ANKRD34C: variants seen among roughly 807,000 people sequenced by gnomAD.
ANKRD34C encodes ankyrin repeat domain 34C.
For missense variants in ANKRD34C, 563 were observed against 653.0 expected (o/e 0.86, Z 1.50); for synonymous variants, 260 against 253.6 (o/e 1.03, Z -0.24).
In ANKRD34C at chr15:79,293,253, C is replaced by T. The variant is rs1334611652; in HGVS notation, c.-32C>T. ...CTTCCTTTGCTAGGTTTGATTGCTA[C>T]TGTGGCTCAGGTCCTCTAAACTGTA... On this transcript the variant is annotated 5_prime_UTR_variant, in exon 2 of 2. Transcript: ENST00000421388. 4 of 1,473,430 alleles carry T rather than the reference C, an allele frequency of 2.7e-6. No individual in the cohort carries two copies. The highest frequency in any genetic ancestry group is 1.8e-4 in the Middle Eastern group (1 of 5,608). 91.3% of individuals were successfully genotyped at this position (1,473,430 alleles called of 1,614,324 possible).
rs2058665684 is a variant in ANKRD34C, at chr15:79,293,877, T to C, written c.593T>C (p.Leu198Pro). The change falls in exon 2 of 2, where the codon CTG becomes CCG. Residue 198 changes from leucine (L) to proline (P), a missense_variant. By Grantham distance (98) the Leu-to-Pro change is moderately conservative (BLOSUM62 -3). Coordinates refer to ENST00000421388, the MANE Select transcript of ANKRD34C (RefSeq NM_001146341.2). ...PSDIELKALG[L>P]DSPLTEKEDD... ...GACATAGAGCTGAAGGCTCTAGGCC[T>C]GGACTCTCCACTCACTGAGAAGGAA... is the stretch of plus-strand genomic sequence containing the variant. The C allele has an allele frequency of 2.6e-6, 4 of 1,551,586 alleles. No homozygotes were observed. The highest frequency in any genetic ancestry group is 2.0e-5 in the Admixed American group (1 of 50,982).
chr15:79,292,387 T>A (rs1450095221), intron 1 of ANKRD34C, among the ~76,000 whole-genome samples: 1 of 152,238 alleles, frequency 6.6e-6, no homozygotes, highest in Non-Finnish European at 1.5e-5. Flanking sequence ...TTGACAAATC[T>A]CAGCTGAGAA....
In ANKRD34C at chr15:79,297,425, A is replaced by G. The variant is rs2058674884; in HGVS notation, c.*2533A>G. 1.2e-5 allele frequency: 2 copies of G among 167,040 alleles called. No homozygotes were observed. Among genetic ancestry groups the G allele is most frequent in the Admixed American group, 6.5e-5 (1 of 15,282 alleles). The allele number at this position is 167,040 out of a possible 1,614,324, so 10.3% of individuals were successfully genotyped here. A position where few individuals can be genotyped will look rare whatever the true frequency, so the allele number is the denominator to read the frequency against. On this transcript the variant is annotated 3_prime_UTR_variant, in exon 2 of 2. Coordinates refer to ENST00000421388, the MANE Select transcript of ANKRD34C (RefSeq NM_001146341.2). ...TTTAGCTAAGATTTGGAAACCCAAT[A>G]TTTCCTAAGTAGTGAATGTGGTCTA...
intron 1 of ANKRD34C, among the ~76,000 whole-genome samples, chr15:79,288,167 TG>T (rs1350280257): frequency 1.3e-5 from 2 of 152,204 alleles, no homozygotes; most frequent in African/African-American, 2.4e-5. Context: ...GGGCATTTCA[TG>T]GTTCATGGGA....
At chr15:79,292,303 G>A (rs2058661875) in intron 1 of ANKRD34C, among the ~76,000 whole-genome samples, 1 of 152,200 alleles carries the variant, frequency 6.6e-6, no homozygotes, top group Non-Finnish European at 1.5e-5. Flanking sequence ...GGCCTCTCAA[G>A]CAACACATAC....
Position 79,293,884 on chromosome 15 carries a change from T to G in ANKRD34C, c.600T>G (p.Ser200=). 1 of 1,551,640 alleles carries G rather than the reference T, an allele frequency of 6.4e-7. No homozygotes were observed. The highest frequency in any genetic ancestry group is 2.4e-5 in the East Asian group (1 of 40,910). The part of the protein sequence containing the change: ...DIELKALGLD[S]PLTEKEDDFF... ...AGCTGAAGGCTCTAGGCCTGGACTC[T>G]CCACTCACTGAGAAGGAAGATGACT... The change falls in exon 2 of 2, where the codon TCT becomes TCG. Residue 200 remains serine (S), a synonymous_variant. Coordinates refer to ENST00000421388, the MANE Select transcript of ANKRD34C (RefSeq NM_001146341.2).
chr15:79,294,104 G>A lies in ANKRD34C; in HGVS notation c.820G>A (p.Gly274Ser). ...CTCGACGCGTCAGGATGAGACCCAT[G>A]GTGCCAGCACAGACAACGAGGTCAT... ...AASTRQDETHGASTDNEVIKS... is the reference protein window; with the variant it reads ...AASTRQDETHSASTDNEVIKS... Residue 274 changes from glycine (G) to serine (S), a missense_variant, in exon 2 of 2, where the codon GGT becomes AGT. Transcript: ENST00000421388. 1 of 1,551,532 alleles carries A rather than the reference G, an allele frequency of 6.4e-7. No homozygotes were observed. Among genetic ancestry groups the A allele is most frequent in the Non-Finnish European group, 8.7e-7 (1 of 1,146,992 alleles).
rs1234800480 is a variant in ANKRD34C, at chr15:79,295,770, G to A, written c.*878G>A. ...TGATGAGATCTTCCCAAACCAGAAT[G>A]ACAACTGAGGATGAGATGTGCATAG... On this transcript the variant is annotated 3_prime_UTR_variant, in exon 2 of 2. Coordinates refer to ENST00000421388, the MANE Select transcript of ANKRD34C (RefSeq NM_001146341.2). 2 of 166,678 alleles carry A rather than the reference G, an allele frequency of 1.2e-5. No individual in the cohort carries two copies. Among genetic ancestry groups the A allele is most frequent in the African/African-American group, 2.4e-5 (1 of 41,448 alleles). The allele number at this position is 166,678 out of a possible 1,614,324, so 10.3% of individuals were successfully genotyped here. A position where few individuals can be genotyped will look rare whatever the true frequency, so the allele number is the denominator to read the frequency against.
rs1048183063 is a variant in ANKRD34C at position 79,296,212 on chromosome 15, C to T, written c.*1320C>T. The T allele has an allele frequency of 1.8e-5, 3 of 166,754 alleles. No individual in the cohort carries two copies. Among genetic ancestry groups the T allele is most frequent in the African/African-American group, 4.8e-5 (2 of 41,434 alleles). 10.3% of individuals were successfully genotyped at this position (166,754 alleles called of 1,614,324 possible). A position where few individuals can be genotyped will look rare whatever the true frequency, so the allele number is the denominator to read the frequency against. On this transcript the variant is annotated 3_prime_UTR_variant, in exon 2 of 2. Transcript: ENST00000421388. Reference sequence around the variant, plus strand: ...GTCTGACATATTTGGGTTTGCATACCAGTCTTATCATTTACCAGCTGCGTG... The same window carrying T: ...GTCTGACATATTTGGGTTTGCATACTAGTCTTATCATTTACCAGCTGCGTG...
In ANKRD34C at chr15:79,296,857, C is replaced by T. The variant is rs1180789413; in HGVS notation, c.*1965C>T. On this transcript the variant is annotated 3_prime_UTR_variant, in exon 2 of 2. Coordinates refer to ENST00000421388, the MANE Select transcript of ANKRD34C (RefSeq NM_001146341.2). ...CGTTGATCTCTACTGCTAGACCTAT[C>T]GTATATGTCAAGAACAACAAAGCTG... 1.8e-5 allele frequency: 3 copies of T among 167,068 alleles called. No individual in the cohort carries two copies. The East Asian group carries it at 5.8e-4, about 32-fold the overall frequency. The allele number at this position is 167,068 out of a possible 1,614,324, so 10.3% of individuals were successfully genotyped here.
At chr15:79,283,743 C>T (rs7169653) in intron 1 of ANKRD34C, 51,532 of 151,920 alleles carry the variant, frequency 0.34, 8,923 homozygotes, top group East Asian at 0.5. Context: ...CCGGCGCGGC[C>T]GGAGCCCCGG....
chr15:79,283,920 A>C (rs2058636455), intron 1 of ANKRD34C: 1 of 152,248 alleles, frequency 6.6e-6, no homozygotes, highest in Non-Finnish European at 1.5e-5. Context: ...GCAAAAGCAA[A>C]CGTGTTCGAT....
chr15:79,294,920 A>G lies in ANKRD34C; in HGVS notation c.*28A>G, dbSNP rs1002436000. On this transcript the variant is annotated 3_prime_UTR_variant, in exon 2 of 2. Coordinates refer to ENST00000421388, the MANE Select transcript of ANKRD34C (RefSeq NM_001146341.2). ...GCTTTAGAAAGGCTTAAAATAGTCA[A>G]TATAGTTTATGGAAGGGACTATGGA... 4.0e-6 allele frequency: 6 copies of G among 1,493,492 alleles called. No individual in the cohort carries two copies. The highest frequency in any genetic ancestry group is 4.9e-5 in the East Asian group (2 of 40,726). The allele number at this position is 1,493,492 out of a possible 1,614,324, so 92.5% of individuals were successfully genotyped here. A position where few individuals can be genotyped will look rare whatever the true frequency, so the allele number is the denominator to read the frequency against.
chr15:79,291,912 C>T (rs2058660844), intron 1 of ANKRD34C, among the ~76,000 whole-genome samples: 1 of 152,164 alleles, frequency 6.6e-6, no homozygotes, highest in African/African-American at 2.4e-5. Flanking sequence ...AGACCTCTTC[C>T]TCTTTATATA....
intron 1 of ANKRD34C, among the ~76,000 whole-genome samples, chr15:79,292,573 G>A (rs1353936863): frequency 6.6e-6 from 1 of 152,026 alleles, no homozygotes; most frequent in Non-Finnish European, 1.5e-5. Flanking sequence ...ACCTGGAAAG[G>A]GATAACTAGA....
chr15:79,284,661 A>C (rs1174775546), intron 1 of ANKRD34C, among the ~76,000 whole-genome samples: 1 of 152,182 alleles, frequency 6.6e-6, no homozygotes, highest in Non-Finnish European at 1.5e-5. Flanking sequence ...TCAGTGTGTA[A>C]TAGCCTCTTA....
Position 79,297,325 on chromosome 15 carries a change from A to G in ANKRD34C, c.*2433A>G, listed in dbSNP as rs1413864304. On this transcript the variant is annotated 3_prime_UTR_variant, in exon 2 of 2. Coordinates refer to ENST00000421388, the MANE Select transcript of ANKRD34C (RefSeq NM_001146341.2). ...TTTCCAGCTGTTGTTAGTGTCACTT[A>G]AAACTGATCTCTGCTGGTAGTATTC... 1.2e-5 allele frequency: 2 copies of G among 167,130 alleles called. No individual in the cohort carries two copies. Among genetic ancestry groups the G allele is most frequent in the Admixed American group, 1.3e-4 (2 of 15,286 alleles). The allele number at this position is 167,130 out of a possible 1,614,324, so 10.4% of individuals were successfully genotyped here.
intron 1 of ANKRD34C, among the ~76,000 whole-genome samples, 144 bp from the exon 2 acceptor site, chr15:79,293,097 A>G (rs975995782): frequency 1.3e-5 from 2 of 152,174 alleles, no homozygotes; most frequent in Non-Finnish European, 2.9e-5. Context: ...GCAGAAACTA[A>G]CTCAGCAATG....
chr15:79,287,950 C>T (rs989782025), intron 1 of ANKRD34C, among the ~76,000 whole-genome samples: 1 of 152,212 alleles, frequency 6.6e-6, no homozygotes, highest in Non-Finnish European at 1.5e-5. Context: ...TGAGTCAGCC[C>T]TGCACATGGG....
Sources: allele counts gnomAD v4.1 joint callset (sites outside exome capture counted in the v4.1 genomes callset), GRCh38; gene constraint gnomAD v4.1.1; transcripts MANE v1.5; gene names NCBI Gene and HGNC (gene_info 2026-07-23, HGNC 2026-07-21).